The following KCNIP4 variants were observed in gnomAD, a reference collection of about 807,000 sequenced individuals.
KCNIP4 encodes potassium voltage-gated channel interacting protein 4.
KCNIP4 carries 12 observed loss-of-function variants against 34.0 expected under a neutral mutation model. The ratio of observed to expected loss-of-function variants is 0.35; its 90% CI spans 0.23 to 0.57. KCNIP4 has a LOEUF of 0.57. KCNIP4 is among the 20% of genes least tolerant of loss of function. KCNIP4 has a pLI of 0.83. For synonymous variants in KCNIP4, 124 were observed against 102.2 expected (o/e 1.21, Z -1.29); for missense variants, 238 against 311.7 (o/e 0.76, Z 1.78).
At chr4:21,876,078 A>G (rs1276062815) in intron 1 of KCNIP4, among the ~76,000 whole-genome samples, 1 of 152,186 alleles carries the variant, frequency 6.6e-6, no homozygotes, top group African/African-American at 2.4e-5. Context: ...CAATGAATAA[A>G]AGAAAATACA....
intron 1 of KCNIP4, among the ~76,000 whole-genome samples, chr4:21,129,304 T>C (rs1750880097): frequency 1.3e-5 from 2 of 152,210 alleles, no homozygotes; most frequent in South Asian, 2.1e-4. Context: ...GTCTCCGGTA[T>C]GTCTTCATTA....
intron 1 of KCNIP4, among the ~76,000 whole-genome samples, chr4:21,528,688 AAAGAAAGAAAGAAAG>A (rs1736212736): frequency 9.6e-4 from 2 of 2,092 alleles, no homozygotes; most frequent in African/African-American, 2.7e-3. Context: ...AGAAAGAAAG[AAAGAAAGAAAGAAAG>A]AAAGAAAGAA....
chr4:20,914,377 A>C (rs1728610155), intron 1 of KCNIP4, among the ~76,000 whole-genome samples: 1 of 152,066 alleles, frequency 6.6e-6, no homozygotes, highest in African/African-American at 2.4e-5. Flanking sequence ...CATAAATGCA[A>C]TGAGTGCTCT....
chr4:21,578,996 T>A (rs1740978236), intron 1 of KCNIP4, among the ~76,000 whole-genome samples: 1 of 152,222 alleles, frequency 6.6e-6, no homozygotes, highest in Non-Finnish European at 1.5e-5. Context: ...TTGTTTCTGC[T>A]CATAGAAGCC....
At chr4:21,215,261 C>CTT (rs373082960) in intron 1 of KCNIP4, among the ~76,000 whole-genome samples, 1 of 150,614 alleles carries the variant, frequency 6.6e-6, no homozygotes, top group African/African-American at 2.4e-5. Context: ...CCTTGCTGTC[C>CTT]TTTTTTTTTC....
At chr4:20,944,620 A>G (rs2149626380) in intron 1 of KCNIP4, among the ~76,000 whole-genome samples, 1 of 152,320 alleles carries the variant, frequency 6.6e-6, no homozygotes, top group Non-Finnish European at 1.5e-5. Context: ...ATCATGGCAG[A>G]GACAAAGAAG....
chr4:21,558,142 C>A (rs538117719), intron 1 of KCNIP4, among the ~76,000 whole-genome samples: 1 of 152,274 alleles, frequency 6.6e-6, no homozygotes, highest in East Asian at 1.9e-4. Context: ...GGCTGTGCTA[C>A]AAATCAGCTT....
In KCNIP4 at chr4:21,640,667, C is replaced by G. The variant is rs890581795; in HGVS notation, c.61+307904G>C. 3.9e-5 allele frequency among the ~76,000 whole-genome samples: 6 copies of G among 152,156 alleles called. No homozygotes were observed. In the East Asian group the frequency reaches 9.6e-4, roughly 24 times the overall value. Reference sequence around the variant, plus strand: ...TGAGCTACAGCATTAAATTCAGAATCTCTGCTTAATGAGTTTCTTTGGATT... The same window carrying G: ...TGAGCTACAGCATTAAATTCAGAATGTCTGCTTAATGAGTTTCTTTGGATT... On this transcript the variant is annotated intron_variant, in intron 1 of 8. Transcript: ENST00000382152.
intron 1 of KCNIP4, among the ~76,000 whole-genome samples, chr4:21,808,554 C>T (rs1408174499): frequency 1.3e-5 from 2 of 152,046 alleles, no homozygotes; most frequent in African/African-American, 4.8e-5. Flanking sequence ...GCAAAGCTTC[C>T]AGTCAACAGT....
intron 1 of KCNIP4, among the ~76,000 whole-genome samples, chr4:21,022,434 G>A (rs1289915100): frequency 1.3e-5 from 2 of 152,158 alleles, no homozygotes; most frequent in Non-Finnish European, 2.9e-5. Context: ...ATCTGCCGAT[G>A]CAAAACCATA....
chr4:21,674,855 AT>A lies in KCNIP4; in HGVS notation c.61+273715del, dbSNP rs559952796. Among the ~76,000 whole-genome samples, 948 of 152,236 alleles carry A rather than the reference AT, an allele frequency of 6.2e-3. 14 individuals carry two copies. The highest frequency in any genetic ancestry group is 0.021 in the African/African-American group (890 of 41,544). ...ACACCTGAGTAACCTTTGGGTCAGT[AT>A]TTTAAAAATAAATTAGTTTTAGTGA... On this transcript the variant is annotated intron_variant, in intron 1 of 8. Coordinates refer to ENST00000382152, the MANE Select transcript of KCNIP4 (RefSeq NM_025221.6).
intron 1 of KCNIP4, among the ~76,000 whole-genome samples, chr4:21,481,871 G>A (rs918322104): frequency 2.6e-5 from 4 of 152,062 alleles, no homozygotes; most frequent in South Asian, 2.1e-4. Flanking sequence ...ATAATATTAG[G>A]GTGATAAAGG....
chr4:21,846,314 T>C (rs1724011044), intron 1 of KCNIP4: 1 of 152,014 alleles, frequency 6.6e-6, no homozygotes, highest in Admixed American at 6.6e-5. Flanking sequence ...GATACACATA[T>C]AGAAAGATAA....
rs56397330 is a variant in KCNIP4, at chr4:21,414,143, A to T, written c.62-531434T>A. On this transcript the variant is annotated intron_variant, in intron 1 of 8. Coordinates refer to ENST00000382152, the MANE Select transcript of KCNIP4 (RefSeq NM_025221.6). The stretch of plus-strand genomic sequence containing the variant: ...TTAGATGATGATATGTTCTATGAAA[A>T]AAAAAGCAGCGAAGTGAAACAGAAA... 2.3e-3 allele frequency among the ~76,000 whole-genome samples: 343 copies of T among 152,296 alleles called. 2 individuals carry two copies. The highest frequency in any genetic ancestry group is 4.0e-3 in the Non-Finnish European group (271 of 68,030).
At chr4:20,978,111 G>C (rs1413065423) in intron 1 of KCNIP4, among the ~76,000 whole-genome samples, 1 of 152,092 alleles carries the variant, frequency 6.6e-6, no homozygotes, top group Non-Finnish European at 1.5e-5. Flanking sequence ...TCATATAAGC[G>C]GGGACTCTGC....
chr4:21,679,593 T>G lies in KCNIP4; in HGVS notation c.61+268978A>C, dbSNP rs1282861577. Among the ~76,000 whole-genome samples the G allele has an allele frequency of 2.0e-5, 3 of 152,240 alleles. No homozygotes were observed. The East Asian group carries it at 5.8e-4, about 29-fold the overall frequency. ...ACCAACACTCTGTGCTCTTTCTCTT[T>G]GGAGTCTAGTAATACACTATCTGTT... On this transcript the variant is annotated intron_variant, in intron 1 of 8. Coordinates refer to ENST00000382152, the MANE Select transcript of KCNIP4 (RefSeq NM_025221.6).
chr4:21,556,147 G>A (rs751332779), intron 1 of KCNIP4, among the ~76,000 whole-genome samples: 18 of 152,082 alleles, frequency 1.2e-4, no homozygotes, highest in Non-Finnish European at 2.6e-4. Context: ...GAGTAAAAAT[G>A]GATTTTGAGA....
rs188647246 is a variant in KCNIP4, at chr4:20,919,627, C to A, written c.62-36918G>T. ...CTGAGGCAGGAGAATGGCGTGAACA[C>A]GGGAGGCGGAGCTTGCCCTGAGCGG... On this transcript the variant is annotated intron_variant, in intron 1 of 8. Coordinates refer to ENST00000382152, the MANE Select transcript of KCNIP4 (RefSeq NM_025221.6). Among the ~76,000 whole-genome samples the A allele has an allele frequency of 6.1e-3, 871 of 142,914 alleles. 5 individuals are homozygous for A. Among genetic ancestry groups the A allele is most frequent in the Non-Finnish European group, 9.2e-3 (615 of 66,984 alleles). The allele number at this position is 142,914 out of a possible 152,430, so 93.8% of individuals were successfully genotyped here. A position where few individuals can be genotyped will look rare whatever the true frequency, so the allele number is the denominator to read the frequency against.
intron 1 of KCNIP4, among the ~76,000 whole-genome samples, chr4:20,969,212 C>G (rs1734680424): frequency 6.6e-6 from 1 of 152,106 alleles, no homozygotes; most frequent in Non-Finnish European, 1.5e-5. Flanking sequence ...AAACTGTTAG[C>G]CCTTTTCATA....
Sources: gnomAD v4.1 joint callset for allele counts (sites outside exome capture counted in the v4.1 genomes callset) on GRCh38, gnomAD v4.1.1 for gene constraint, MANE v1.5 for transcripts, NCBI Gene and HGNC (gene_info 2026-07-23, HGNC 2026-07-21) for gene names.